The following IQCK variants were observed in gnomAD, a reference collection of about 807,000 sequenced individuals.
IQCK encodes IQ domain-containing protein K.
Under a neutral mutation model 28.1 loss-of-function variants are expected in IQCK, and 29 were observed. The ratio of observed to expected loss-of-function variants is 1.03; its 90% CI spans 0.77 to 1.41. The LOEUF (loss-of-function observed/expected upper bound fraction) is 1.41, where lower values mean the gene tolerates loss of function less well. IQCK is among the 40% of genes most tolerant of loss of function. The pLI, the probability that IQCK is intolerant of heterozygous loss-of-function variation, is 0.00. For synonymous variants in IQCK, 113 were observed against 115.1 expected (o/e 0.98, Z 0.12); for missense variants, 359 against 314.7 (o/e 1.14, Z -1.07).
At chr16:19,734,459 C>CAAAAA (rs34178017) in intron 3 of IQCK, among the ~76,000 whole-genome samples, 2 of 50,244 alleles carry the variant, frequency 4.0e-5, no homozygotes, top group Admixed American at 2.3e-4. Flanking sequence ...GACTCCATCA[C>CAAAAA]AAAAAAAAAA....
chr16:19,802,958 T>C (rs2055778624), intron 7 of IQCK, among the ~76,000 whole-genome samples: 1 of 152,202 alleles, frequency 6.6e-6, no homozygotes, highest in Admixed American at 6.5e-5. Flanking sequence ...ACTCGTTTAT[T>C]TGAACCTATG....
intron 1 of IQCK, among the ~76,000 whole-genome samples, chr16:19,719,431 CA>C (rs553643277): frequency 2.0e-4 from 29 of 147,384 alleles, no homozygotes; most frequent in African/African-American, 5.7e-4. Flanking sequence ...ACTGAAAATA[CA>C]AAAAAAAAAT....
intron 9 of IQCK, among the ~76,000 whole-genome samples, chr16:19,856,025 G>T (rs1165563425): frequency 6.6e-6 from 1 of 152,116 alleles, no homozygotes; most frequent in African/African-American, 2.4e-5. Flanking sequence ...ACCGAGATCA[G>T]GTTCTTGGTC....
At position 19,821,745 on chromosome 16, in the gene IQCK, T is replaced by G. The variant is rs180913345; in HGVS notation, c.691-5281T>G. 7.2e-4 allele frequency among the ~76,000 whole-genome samples: 110 copies of G among 152,188 alleles called. 1 individual carries two copies. The highest frequency in any genetic ancestry group is 1.0e-4 in the Non-Finnish European group (7 of 68,014). On this transcript the variant is annotated intron_variant, in intron 7 of 7. Transcript: ENST00000564186. ...CATACACAAATGTTCATAGCAACCC[T>G]GTTCCCAATAGCCAAAAGGTAGGAA...
chr16:19,798,402 G>A lies in IQCK; in HGVS notation c.690+9480G>A, dbSNP rs1489565548. ...CATTGCACTCCAGCCTGGCGACAGA[G>A]CCAGAGTCCATCACAAAAAATATAT... On this transcript the variant is annotated intron_variant, in intron 7 of 7. Coordinates refer to ENST00000564186, the Ensembl canonical transcript of IQCK. Among the ~76,000 whole-genome samples the A allele has an allele frequency of 3.3e-5, 4 of 119,608 alleles. 1 individual carries two copies. The highest frequency in any genetic ancestry group is 1.5e-4 in the African/African-American group (2 of 13,452). 78.5% of individuals were successfully genotyped at this position (119,608 alleles called of 152,430 possible).
chr16:19,740,412 G>A (rs565678646), intron 4 of IQCK, among the ~76,000 whole-genome samples: 1 of 152,254 alleles, frequency 6.6e-6, no homozygotes, highest in Non-Finnish European at 1.5e-5. Flanking sequence ...GAGTGAGGCT[G>A]GGTTGAAGAG....
intron 6 of IQCK, 34 bp downstream of exon 6, chr16:19,764,146 C>G (rs746423570): frequency 6.6e-7 from 1 of 1,504,770 alleles, no homozygotes; most frequent in Non-Finnish European, 9.2e-7. Flanking sequence ...ATAATTTATT[C>G]CTAATTTAAG....
Position 19,759,780 on chromosome 16 carries a change from C to T in IQCK, c.475-4068C>T, listed in dbSNP as rs566783878. On this transcript the variant is annotated intron_variant, in intron 4 of 7. Coordinates refer to ENST00000564186, the Ensembl canonical transcript of IQCK. ...ATCACTTGAGCGCAAGAGATTGAGA[C>T]CAGCTTAGGCAACATAGTGAGACCT... Among the ~76,000 whole-genome samples the T allele has an allele frequency of 6.6e-5, 10 of 152,192 alleles. No homozygotes were observed. The South Asian group carries it at 2.1e-3, about 32-fold the overall frequency.
intron 9 of IQCK, among the ~76,000 whole-genome samples, chr16:19,850,505 G>T (rs2056469167): frequency 1.3e-5 from 2 of 152,124 alleles, no homozygotes; most frequent in Non-Finnish European, 2.9e-5. Flanking sequence ...GTTTCTCATA[G>T]ATATTGCTGA....
At chr16:19,738,236 G>A (rs1244151046) in intron 4 of IQCK, among the ~76,000 whole-genome samples, 1 of 152,186 alleles carries the variant, frequency 6.6e-6, no homozygotes, top group Non-Finnish European at 1.5e-5. Flanking sequence ...ACCAGGGAAT[G>A]TCACTATTAC....
At chr16:19,732,564 G>T (rs535867646) in intron 2 of IQCK, among the ~76,000 whole-genome samples, 1 of 152,150 alleles carries the variant, frequency 6.6e-6, no homozygotes, top group African/African-American at 2.4e-5. Flanking sequence ...AAGCTCAAGC[G>T]ATCTTCCCGC....
chr16:19,853,922 C>G (rs1457385781), intron 9 of IQCK, among the ~76,000 whole-genome samples: 1 of 152,188 alleles, frequency 6.6e-6, no homozygotes, highest in African/African-American at 2.4e-5. Flanking sequence ...GCCACTGTGC[C>G]CAGCCTGTCT....
exon 10 of IQCK, chr16:19,857,132 A>T (rs115211701): frequency 9.9e-6 from 2 of 202,644 alleles, no homozygotes; most frequent in African/African-American, 4.8e-5. Context: ...TATTATATAG[A>T]AAGTTCCTGC....
At chr16:19,845,986 G>A (rs1196743454) in intron 9 of IQCK, among the ~76,000 whole-genome samples, 1 of 152,110 alleles carries the variant, frequency 6.6e-6, no homozygotes, top group Non-Finnish European at 1.5e-5. Flanking sequence ...TGAGGTGGGG[G>A]GGATCACCTG....
At chr16:19,817,691 A>T (rs183052228) in intron 7 of IQCK, among the ~76,000 whole-genome samples, 1 of 152,142 alleles carries the variant, frequency 6.6e-6, no homozygotes, top group Admixed American at 6.6e-5. Context: ...TTAATTATTT[A>T]TAAGTTAAAG....
chr16:19,809,347 A>G (rs1366243771), intron 7 of IQCK, among the ~76,000 whole-genome samples: 1 of 152,128 alleles, frequency 6.6e-6, no homozygotes, highest in Non-Finnish European at 1.5e-5. Context: ...TCTCACCTAG[A>G]CTCGATCATG....
At chr16:19,750,157 C>T (rs1024923911) in intron 4 of IQCK, among the ~76,000 whole-genome samples, 2 of 151,660 alleles carry the variant, frequency 1.3e-5, no homozygotes, top group African/African-American at 2.4e-5. Flanking sequence ...GATGGAGTGT[C>T]GCGCCGTGGC....
At chr16:19,750,011 C>A (rs531973745) in intron 4 of IQCK, among the ~76,000 whole-genome samples, 1 of 152,150 alleles carries the variant, frequency 6.6e-6, no homozygotes, top group African/African-American at 2.4e-5. Context: ...TTTGTAGATG[C>A]GTGACCCCAG....
Position 19,812,731 on chromosome 16 carries a change from C to T in IQCK, c.691-14295C>T, listed in dbSNP as rs566808786. 2.0e-5 allele frequency among the ~76,000 whole-genome samples: 3 copies of T among 152,186 alleles called. No homozygotes were observed. In the South Asian group the frequency reaches 6.2e-4, roughly 32 times the overall value. On this transcript the variant is annotated intron_variant, in intron 7 of 7. Coordinates refer to ENST00000564186, the Ensembl canonical transcript of IQCK. Reference sequence around the variant, plus strand: ...ATACAATCAACTGGAAAATCCAAATCCCCAAGAGTGGCAATTTGAGACTAT... The same window carrying T: ...ATACAATCAACTGGAAAATCCAAATTCCCAAGAGTGGCAATTTGAGACTAT...
Sources: gnomAD v4.1 joint callset for allele counts (sites outside exome capture counted in the v4.1 genomes callset) on GRCh38, gnomAD v4.1.1 for gene constraint, MANE v1.5 for transcripts, NCBI Gene and HGNC (gene_info 2026-07-23, HGNC 2026-07-21) for gene names.